Variants in SFTPD observed in about 807,000 individuals in gnomAD.
The protein encoded by SFTPD is surfactant protein D, also known as pulmonary surfactant-associated protein D.
Under a neutral mutation model 34.6 loss-of-function variants are expected in SFTPD, and 18 were observed. That is an observed-to-expected ratio of 0.52 (90% confidence interval 0.36 to 0.77). The LOEUF (loss-of-function observed/expected upper bound fraction) is 0.77, where lower values mean the gene tolerates loss of function less well. Ranked by LOEUF, SFTPD falls within the 30% of genes least tolerant of loss-of-function variation. The pLI is 0.00. For missense variants in SFTPD, 433 were observed against 468.9 expected, an observed-to-expected ratio of 0.92 and a Z score of 0.71; for synonymous variants, 155 against 180.9, an observed-to-expected ratio of 0.86 and a Z score of 1.15.
intron 1 of SFTPD, among the ~76,000 whole-genome samples, chr10:79,956,965 C>T (rs934971530): frequency 5.1e-4 from 77 of 151,694 alleles, no homozygotes; most frequent in Non-Finnish European, 2.9e-5. Context: ...TCCAGATGAA[C>T]GATCACGCAG....
chr10:79,959,093 C>T (rs1842756701), intron 1 of SFTPD, among the ~76,000 whole-genome samples: 1 of 150,756 alleles, frequency 6.6e-6, no homozygotes, highest in Admixed American at 6.6e-5. Flanking sequence ...TCTTTGAAAC[C>T]AACGAGAACA....
At chr10:79,945,016 T>C (rs1235311459) in intron 2 of SFTPD, among the ~76,000 whole-genome samples, 3 of 151,894 alleles carry the variant, frequency 2.0e-5, no homozygotes, top group Admixed American at 6.6e-5. Flanking sequence ...CTCAGACCTG[T>C]AACAGTGGAG....
In SFTPD at chr10:79,938,103, A is replaced by G; in HGVS notation, c.877T>C (p.Ser293Pro). ...QAGGQLASPR[S>P]AAENAALQQL... Reference sequence around the variant, plus strand: ...TGCAAGGCGGCATTCTCAGCGGCAGAGCGTGGAGAGGCCAACTGTCCACCA... The same window carrying G: ...TGCAAGGCGGCATTCTCAGCGGCAGGGCGTGGAGAGGCCAACTGTCCACCA... Residue 293 changes from serine to proline, a missense_variant, in exon 8 of 8, where the codon TCT (serine) becomes CCT (proline). By Grantham distance (74) the Ser-to-Pro change is moderately conservative (BLOSUM62 -1). Coordinates refer to ENST00000372292, the MANE Select transcript of SFTPD (RefSeq NM_003019.5). The G allele has an allele frequency of 3.1e-6, 5 of 1,614,216 alleles. No individual in the cohort carries two copies. Among genetic ancestry groups the G allele is most frequent in the Non-Finnish European group, 4.2e-6 (5 of 1,180,034 alleles).
In SFTPD at chr10:79,940,771, G is replaced by T. The variant is rs1346899925; in HGVS notation, c.685C>A (p.Gln229Lys). The stretch of plus-strand genomic sequence containing the variant: ...TGTCCCTGTAAGGCCTCAACCTGCT[G>T]CCTCAGAGAAGCAACATCTGGAGGG... The part of the protein sequence containing the change: ...SGLPDVASLR[Q>K]QVEALQGQVQ... The change falls in exon 7 of 8, where the codon CAG becomes AAG. Residue 229 changes from glutamine to lysine, a missense_variant. By Grantham distance (53) the Gln-to-Lys change is moderately conservative. Transcript: ENST00000372292. The T allele has an allele frequency of 3.1e-6, 5 of 1,610,812 alleles. No homozygotes were observed. The highest frequency in any genetic ancestry group is 2.7e-5 in the African/African-American group (2 of 74,910).
At chr10:79,943,087 G>A (rs1201766352) in intron 2 of SFTPD, among the ~76,000 whole-genome samples, 1 of 152,100 alleles carries the variant, frequency 6.6e-6, no homozygotes, top group African/African-American at 2.4e-5. Flanking sequence ...GTTGGAGGCG[G>A]ATTAAAGCCA....
intron 1 of SFTPD, chr10:79,971,099 C>T (rs982781079): frequency 6.6e-6 from 1 of 152,016 alleles, no homozygotes; most frequent in South Asian, 2.1e-4. Flanking sequence ...TTATCAAATG[C>T]TTTTTCTGTG....
intron 7 of SFTPD, among the ~76,000 whole-genome samples, chr10:79,939,378 C>T (rs1842589239): frequency 6.6e-6 from 1 of 152,154 alleles, no homozygotes; most frequent in Non-Finnish European, 1.5e-5. Flanking sequence ...CCAGAGCAGC[C>T]CTGAACAAAG....
intron 2 of SFTPD, among the ~76,000 whole-genome samples, chr10:79,944,526 T>C (rs1589335201): frequency 6.6e-6 from 1 of 152,136 alleles, no homozygotes; most frequent in African/African-American, 2.4e-5. Context: ...AGGCTGAGCG[T>C]GACCGGGGGC....
At chr10:79,962,696 G>A (rs758988627) in intron 1 of SFTPD, among the ~76,000 whole-genome samples, 38 of 151,978 alleles carry the variant, frequency 2.5e-4, no homozygotes, top group Non-Finnish European at 4.9e-4. Context: ...ATATATTTAT[G>A]CTTGTAAGTG....
chr10:79,956,526 C>T (rs1385003781), intron 1 of SFTPD, among the ~76,000 whole-genome samples: 1 of 152,266 alleles, frequency 6.6e-6, no homozygotes, highest in Non-Finnish European at 1.5e-5. Flanking sequence ...CTTGGAGGGG[C>T]CTACGCCCAC....
chr10:79,979,851 C>T (rs1477143417), intron 1 of SFTPD, among the ~76,000 whole-genome samples: 3 of 152,220 alleles, frequency 2.0e-5, no homozygotes, highest in Non-Finnish European at 2.9e-5. Flanking sequence ...TCCTCCCCGC[C>T]AACTCCAGGC....
In SFTPD at chr10:79,982,293, C is replaced by T. The variant is rs922718775; in HGVS notation, c.36+282G>A. On this transcript the variant is annotated intron_variant, in intron 1 of 5. Transcript: ENST00000444384. Reference sequence around the variant, plus strand: ...GCTCGGGCCACCGCGGGGCGGTTCCCGGCTCAGGTGCCCAGTGGGCACCAG... The same window carrying T: ...GCTCGGGCCACCGCGGGGCGGTTCCTGGCTCAGGTGCCCAGTGGGCACCAG... The T allele has an allele frequency of 7.9e-6, 8 of 1,012,176 alleles. No homozygotes were observed. The African/African-American group carries it at 8.5e-5, about 11-fold the overall frequency. The allele number at this position is 1,012,176 out of a possible 1,614,324, so 62.7% of individuals were successfully genotyped here.
chr10:79,978,500 A>G (rs1223141297), intron 1 of SFTPD, among the ~76,000 whole-genome samples: 2 of 151,870 alleles, frequency 1.3e-5, no homozygotes, highest in Non-Finnish European at 2.9e-5. Context: ...AAAATTACAA[A>G]AATTAGCCAG....
chr10:79,960,400 C>T (rs1475398829), intron 1 of SFTPD, among the ~76,000 whole-genome samples: 14 of 151,294 alleles, frequency 9.3e-5, no homozygotes, highest in Non-Finnish European at 1.3e-4. Context: ...AAAACCCCAT[C>T]GTCTCAGCCC....
chr10:79,955,609 CA>C (rs1453713101), intron 1 of SFTPD, among the ~76,000 whole-genome samples: 2 of 152,152 alleles, frequency 1.3e-5, no homozygotes, highest in Admixed American at 1.3e-4. Context: ...TCTGTTGTTG[CA>C]ATCTAATCTG....
chr10:79,977,786 A>C (rs1258834065), intron 1 of SFTPD, among the ~76,000 whole-genome samples: 1 of 150,126 alleles, frequency 6.7e-6, no homozygotes, highest in Non-Finnish European at 1.5e-5. Flanking sequence ...CTTCAGATTT[A>C]CTTCTTTTTT....
chr10:79,939,554 T>C (rs567179893), intron 7 of SFTPD, among the ~76,000 whole-genome samples: 45 of 152,274 alleles, frequency 3.0e-4, no homozygotes, highest in African/African-American at 1.0e-3. Context: ...TATGAGCTCA[T>C]GTATGTAGAT....
chr10:79,949,423 A>G (rs574959483), upstream of SFTPD, among the ~76,000 whole-genome samples: 26 of 152,338 alleles, frequency 1.7e-4, no homozygotes, highest in Middle Eastern at 0.024. Context: ...CAGGTTGCAC[A>G]ATGACCTACA....
rs188073487 is a variant in SFTPD at position 79,955,473 on chromosome 10, G to C, written c.37-8811C>G. Among the ~76,000 whole-genome samples, 23 of 152,110 alleles carry C rather than the reference G, an allele frequency of 1.5e-4. No homozygotes were observed. The East Asian group carries it at 2.9e-3, about 19-fold the overall frequency. On this transcript the variant is annotated intron_variant, in intron 1 of 5. Coordinates refer to the SFTPD transcript ENST00000444384. ...CAAAACAAACAAACAAACAAACAAA[G>C]AAAACCCTGCCATACCTTATGTTCT...
Sources: gnomAD v4.1 joint callset for allele counts (sites outside exome capture counted in the v4.1 genomes callset) on GRCh38, gnomAD v4.1.1 for gene constraint, MANE v1.5 for transcripts, NCBI Gene and HGNC (gene_info 2026-07-23, HGNC 2026-07-21) for gene names.